The following CLASP2 variants were observed in gnomAD, a reference collection of about 807,000 sequenced individuals.
CLASP2 encodes CLIP-associating protein 2.
A neutral mutation model predicts 194.4 loss-of-function variants in CLASP2; 47 were observed. The ratio of observed to expected loss-of-function variants is 0.24; its 90% CI spans 0.19 to 0.31. The LOEUF is 0.31. Among genes scored for constraint, CLASP2 ranks in the 10% least tolerant of loss-of-function variants. The pLI is 1.00. For missense variants in CLASP2, 1,445 were observed against 1,823.6 expected, an observed-to-expected ratio of 0.79 and a Z score of 3.78; for synonymous variants, 619 against 633.5, an observed-to-expected ratio of 0.98 and a Z score of 0.34.
intron 1 of CLASP2, among the ~76,000 whole-genome samples, chr3:33,705,066 C>T (rs1209431175): frequency 6.6e-6 from 1 of 152,044 alleles, no homozygotes; most frequent in African/African-American, 2.4e-5. Context: ...GGAAGTGACT[C>T]AAACAGATAC....
intron 26 of CLASP2, among the ~76,000 whole-genome samples, chr3:33,568,982 G>C (rs2063285954): frequency 6.6e-6 from 1 of 152,156 alleles, no homozygotes; most frequent in African/African-American, 2.4e-5. Context: ...CAGAGTCTCT[G>C]ATGGACAATC....
At chr3:33,684,613 C>T (rs1486560892) in intron 5 of CLASP2, among the ~76,000 whole-genome samples, 157 bp from the exon 6 acceptor site, 1 of 152,208 alleles carries the variant, frequency 6.6e-6, no homozygotes, top group Non-Finnish European at 1.5e-5. Flanking sequence ...AACAAGAGGG[C>T]CTGCCAAGAT....
At chr3:33,527,091 C>G (rs2154119817) in intron 34 of CLASP2, among the ~76,000 whole-genome samples, 1 of 152,066 alleles carries the variant, frequency 6.6e-6, no homozygotes, top group East Asian at 1.9e-4. Context: ...CAAATTAACC[C>G]CAATGTTAGC....
intron 29 of CLASP2, among the ~76,000 whole-genome samples, chr3:33,553,585 A>G (rs1055130991): frequency 1.3e-5 from 2 of 152,246 alleles, no homozygotes; most frequent in African/African-American, 4.8e-5. Flanking sequence ...CAAATGGCCA[A>G]CAGGTATATG....
chr3:33,584,173 T>C (rs1013966574), intron 22 of CLASP2, among the ~76,000 whole-genome samples: 1 of 152,098 alleles, frequency 6.6e-6, no homozygotes, highest in African/African-American at 2.4e-5. Context: ...TATATATGTG[T>C]ATATGTGATA....
intron 7 of CLASP2, among the ~76,000 whole-genome samples, chr3:33,647,618 A>C (rs573502266): frequency 6.6e-6 from 1 of 152,342 alleles, no homozygotes; most frequent in Admixed American, 6.5e-5. Flanking sequence ...ATATACACAC[A>C]ATATGTAAAC....
At position 33,543,546 on chromosome 3, in the gene CLASP2, A is replaced by G; in HGVS notation, c.3298-7T>C. 1 of 1,529,074 alleles carries G rather than the reference A, an allele frequency of 6.5e-7. No homozygotes were observed. Among genetic ancestry groups the G allele is most frequent in the Non-Finnish European group, 9.1e-7 (1 of 1,102,702 alleles). The allele number at this position is 1,529,074 out of a possible 1,614,324, so 94.7% of individuals were successfully genotyped here. A position where few individuals can be genotyped will look rare whatever the true frequency, so the allele number is the denominator to read the frequency against. On this transcript the variant is annotated splice_region_variant and splice_polypyrimidine_tract_variant and intron_variant, in intron 31 of 38. Coordinates refer to ENST00000682230, the MANE Select transcript of CLASP2 (RefSeq NM_001365631.1). Reference sequence around the variant, plus strand: ...AAGGACTCCCCATGGAACTCTGATGAAGGGAGTCAAAGAAATATTAACATA... The same window carrying G: ...AAGGACTCCCCATGGAACTCTGATGGAGGGAGTCAAAGAAATATTAACATA...
chr3:33,592,460 C>T lies in CLASP2; in HGVS notation c.2003G>A (p.Gly668Asp), dbSNP rs748326148. The T allele has an allele frequency of 6.2e-7, 1 of 1,613,644 alleles. No individual in the cohort carries two copies. Among genetic ancestry groups the T allele is most frequent in the African/African-American group, 1.3e-5 (1 of 75,010 alleles). Reference protein sequence around the residue: ...VRAKLSAPLAGMGNAKADSRG... With the variant: ...VRAKLSAPLADMGNAKADSRG... Reference sequence around the variant, plus strand: ...AGAATCTGCCTTGGCATTTCCCATGCCAGCAAGTGGTGCTGAAAGTTTTGC... The same window carrying T: ...AGAATCTGCCTTGGCATTTCCCATGTCAGCAAGTGGTGCTGAAAGTTTTGC... Residue 668 changes from glycine (G) to aspartate (D), a missense_variant, in exon 21 of 39, where the codon GGC (glycine) becomes GAC (aspartate). Gly to Asp is a moderately conservative substitution (Grantham distance 94, BLOSUM62 -1). Around this residue, in one of 4 missense-constraint regions of CLASP2, gnomAD observed 174 missense variants for 179.0 expected, o/e 0.97. Transcript: ENST00000682230.
intron 1 of CLASP2, among the ~76,000 whole-genome samples, chr3:33,703,602 C>G (rs1461298564): frequency 2.6e-5 from 4 of 152,182 alleles, no homozygotes; most frequent in African/African-American, 9.7e-5. Context: ...GGTATTTAGC[C>G]AAAGGAGTTG....
intron 1 of CLASP2, among the ~76,000 whole-genome samples, chr3:33,707,572 A>G (rs1284278779): frequency 6.6e-6 from 1 of 152,102 alleles, no homozygotes; most frequent in Non-Finnish European, 1.5e-5. Context: ...CTCTAACATC[A>G]CACACACACA....
chr3:33,592,451 T>C lies in CLASP2; in HGVS notation c.2012A>G (p.Asn671Ser). The change falls in exon 21 of 39, where the codon AAT becomes AGT. Residue 671 changes from asparagine (N) to serine (S), a missense_variant. Physicochemically the swap from Asn to Ser is conservative, Grantham distance 46 (BLOSUM62 1). Coordinates refer to ENST00000682230, the MANE Select transcript of CLASP2 (RefSeq NM_001365631.1). The stretch of plus-strand genomic sequence containing the variant: ...TCTTCCTCTAGAATCTGCCTTGGCA[T>C]TTCCCATGCCAGCAAGTGGTGCTGA... ...KLSAPLAGMG[N>S]AKADSRGRSR... The C allele has an allele frequency of 3.1e-6, 5 of 1,613,828 alleles. No homozygotes were observed. Among genetic ancestry groups the C allele is most frequent in the African/African-American group, 2.7e-5 (2 of 75,044 alleles).
intron 11 of CLASP2, among the ~76,000 whole-genome samples, chr3:33,621,391 G>A (rs1317578728): frequency 1.3e-5 from 2 of 151,996 alleles, no homozygotes; most frequent in African/African-American, 2.4e-5. Context: ...GGAGATATTG[G>A]GTCATTTTGG....
At chr3:33,500,340 C>T (rs886672346) in intron 38 of CLASP2, among the ~76,000 whole-genome samples, 5 of 152,058 alleles carry the variant, frequency 3.3e-5, no homozygotes, top group African/African-American at 9.7e-5. Flanking sequence ...TTTCATCTAA[C>T]GTTATTCCAA....
chr3:33,672,303 G>A (rs2087454728), intron 6 of CLASP2, among the ~76,000 whole-genome samples: 1 of 152,222 alleles, frequency 6.6e-6, no homozygotes. Context: ...CCACTGTTCT[G>A]CAGCCACCAC....
intron 7 of CLASP2, among the ~76,000 whole-genome samples, chr3:33,661,901 C>G (rs1409614877): frequency 6.6e-6 from 1 of 152,212 alleles, no homozygotes; most frequent in African/African-American, 2.4e-5. Context: ...CTTCTTCTAG[C>G]ATCCTCTTGT....
At position 33,543,509 on chromosome 3, in the gene CLASP2, T is replaced by A. The variant is rs1335798047; in HGVS notation, c.3328A>T (p.Thr1110Ser). The A allele has an allele frequency of 1.9e-6, 3 of 1,613,324 alleles. No individual in the cohort carries two copies. The highest frequency in any genetic ancestry group is 3.3e-5 in the Admixed American group (2 of 60,016). Reference sequence around the variant, plus strand: ...GACCAGTTAGCTGGTGATCGTGGTGTTGGTCTTGTCAAAGGACTCCCCATG... The same window carrying A: ...GACCAGTTAGCTGGTGATCGTGGTGATGGTCTTGTCAAAGGACTCCCCATG... ...SSMGSPLTRP[T>S]PRSPANWSSP... Residue 1110 changes from threonine to serine, a missense_variant, in exon 32 of 39, where the codon ACA becomes TCA. Coordinates refer to ENST00000682230, the MANE Select transcript of CLASP2 (RefSeq NM_001365631.1).
chr3:33,514,651 A>G (rs1176433861), intron 36 of CLASP2: 4 of 327,124 alleles, frequency 1.2e-5, no homozygotes, highest in South Asian at 1.1e-4. Context: ...ACTCCATTTG[A>G]TCCAGCAATC....
intron 34 of CLASP2, among the ~76,000 whole-genome samples, chr3:33,533,632 G>A (rs940248077): frequency 6.6e-6 from 1 of 152,156 alleles, no homozygotes; most frequent in African/African-American, 2.4e-5. Flanking sequence ...GATGTAAATA[G>A]GTAGTAAGTT....
In CLASP2 at chr3:33,678,950, T is replaced by G. The variant is rs2089323394; in HGVS notation, c.644+5409A>C. Among the ~76,000 whole-genome samples, 4 of 152,248 alleles carry G rather than the reference T, an allele frequency of 2.6e-5. No individual in the cohort carries two copies. The South Asian group carries it at 8.3e-4, about 32-fold the overall frequency. ...AATTTATAGGGAGAGGCAAAAGATC[T>G]AGAATAGCTAACACATTATTAAAGG... is the stretch of plus-strand genomic sequence containing the variant. On this transcript the variant is annotated intron_variant, in intron 6 of 38. Coordinates refer to ENST00000682230, the MANE Select transcript of CLASP2 (RefSeq NM_001365631.1).
Sources: gnomAD v4.1 joint callset for allele counts (sites outside exome capture counted in the v4.1 genomes callset) on GRCh38, gnomAD v4.1.1 for gene constraint, gnomAD v4.1.1 regional missense constraint, MANE v1.5 for transcripts, NCBI Gene and HGNC (gene_info 2026-07-23, HGNC 2026-07-21) for gene names.